The following NUP107 variants were observed in gnomAD, a reference collection of about 807,000 sequenced individuals.
NUP107 encodes the protein nuclear pore complex protein Nup107.
Under a neutral mutation model 141.0 loss-of-function variants are expected in NUP107, and 101 were observed. That is an observed-to-expected ratio of 0.72 (90% CI 0.61 to 0.84). NUP107 has a LOEUF of 0.84. NUP107 is among the 40% of genes least tolerant of loss of function. NUP107 has a pLI of 0.00. For synonymous variants in NUP107, 319 were observed against 363.9 expected, an observed-to-expected ratio of 0.88 and a Z score of 1.41; for missense variants, 941 against 1,102.7, an observed-to-expected ratio of 0.85 and a Z score of 2.08.
At chr12:68,738,321 G>A (rs560866053) in intron 26 of NUP107, among the ~76,000 whole-genome samples, 12 of 151,400 alleles carry the variant, frequency 7.9e-5, no homozygotes, top group Admixed American at 2.0e-4. Context: ...GTGGTGGCTC[G>A]CGCCTGTAAT....
intron 5 of NUP107, 95 bp downstream of exon 5, chr12:68,692,207 C>T (rs1875832574): frequency 1.6e-6 from 2 of 1,248,122 alleles, no homozygotes; most frequent in Non-Finnish European, 2.2e-6. Context: ...TTATGTTTTT[C>T]TTTTCTTTCT....
At chr12:68,722,649 ATG>A (rs1262463878) in intron 17 of NUP107, among the ~76,000 whole-genome samples, 1 of 152,156 alleles carries the variant, frequency 6.6e-6, no homozygotes, top group Non-Finnish European at 1.5e-5. Flanking sequence ...TCTTACGAAT[ATG>A]TGTAAATAAT....
chr12:68,692,166 G>A, intron 5 of NUP107, 54 bp downstream of exon 5: 1 of 1,464,310 alleles, frequency 6.8e-7, no homozygotes, highest in Non-Finnish European at 9.1e-7. Context: ...GCAAGATGAA[G>A]GAAACCATTT....
intron 9 of NUP107, among the ~76,000 whole-genome samples, chr12:68,709,543 C>G (rs967497328): frequency 1.6e-4 from 25 of 151,910 alleles, no homozygotes; most frequent in Admixed American, 9.2e-4. Flanking sequence ...AAATTTTATT[C>G]TTTTGCCATA....
Position 68,722,146 on chromosome 12 carries a change from C to CAAA in NUP107, c.1503_1505dup (p.Lys502dup). The CAAA allele has an allele frequency of 6.2e-7, 1 of 1,612,230 alleles. No homozygotes were observed. The highest frequency in any genetic ancestry group is 8.5e-7 in the Non-Finnish European group (1 of 1,179,168). On this transcript the variant is annotated inframe_insertion, in exon 17 of 28. Transcript: ENST00000229179. The stretch of plus-strand genomic sequence containing the variant: ...TTTTTGAGGAACTTCAAGCTACTGA[C>CAAA]AAAAAGGTAAATGTTAATAGGAATA...
At chr12:68,702,212 C>G (rs1876363932) in intron 7 of NUP107, among the ~76,000 whole-genome samples, 1 of 152,188 alleles carries the variant, frequency 6.6e-6, no homozygotes, top group Admixed American at 6.5e-5. Flanking sequence ...TGGTCTCAAA[C>G]TCCTGACCTC....
At chr12:68,737,726 C>T (rs1878137530) in intron 26 of NUP107, among the ~76,000 whole-genome samples, 1 of 152,156 alleles carries the variant, frequency 6.6e-6, no homozygotes, top group Non-Finnish European at 1.5e-5. Context: ...ATTTCTTGAA[C>T]AGTTAAATGA....
chr12:68,701,965 A>G (rs971378199), intron 7 of NUP107, among the ~76,000 whole-genome samples: 3 of 151,912 alleles, frequency 2.0e-5, no homozygotes, highest in Admixed American at 2.0e-4. Context: ...GCTGGCCACC[A>G]TGCCTAGCTA....
At position 68,731,470 on chromosome 12, in the gene NUP107, A is replaced by G. The variant is rs955836933; in HGVS notation, c.1886-137A>G. 1.6e-5 allele frequency: 10 copies of G among 625,998 alleles called. No homozygotes were observed. The East Asian group carries it at 2.9e-4, about 18-fold the overall frequency. 38.8% of individuals were successfully genotyped at this position (625,998 alleles called of 1,614,324 possible). On this transcript the variant is annotated intron_variant, in intron 21 of 27. Transcript: ENST00000229179. ...TTTTAATTCTGGCATTTTCTTTTAT[A>G]TAAATATCTTTCATATTTTACATAT...
chr12:68,700,656 CA>C, intron 6 of NUP107, 69 bp from the exon 7 acceptor site: 1 of 1,110,510 alleles, frequency 9.0e-7, no homozygotes, highest in East Asian at 2.7e-5. Context: ...GCACTCTATT[CA>C]AATACAAACT....
intron 5 of NUP107, among the ~76,000 whole-genome samples, chr12:68,693,932 T>C (rs1472572272): frequency 1.3e-5 from 2 of 152,174 alleles, no homozygotes; most frequent in South Asian, 2.1e-4. Context: ...TTTCAGATAG[T>C]GTTATGACCA....
chr12:68,741,303 A>G (rs1428774462), intron 26 of NUP107, among the ~76,000 whole-genome samples: 1 of 151,998 alleles, frequency 6.6e-6, no homozygotes, highest in Non-Finnish European at 1.5e-5. Context: ...ATTCAAATCT[A>G]TAGGTTCTGT....
At chr12:68,700,269 T>C (rs1379562158) in intron 6 of NUP107, among the ~76,000 whole-genome samples, 1 of 152,194 alleles carries the variant, frequency 6.6e-6, no homozygotes, top group East Asian at 1.9e-4. Context: ...TGTTTAGAAA[T>C]GATAATGTTT....
At chr12:68,721,061 A>G in intron 14 of NUP107, 57 bp from the exon 15 acceptor site, 1 of 1,185,108 alleles carries the variant, frequency 8.4e-7, no homozygotes, top group East Asian at 2.4e-5. Flanking sequence ...TTATGAGGAA[A>G]ATTGACATAC....
chr12:68,721,932 C>A lies in NUP107; in HGVS notation c.1403C>A (p.Ser468Ter). ...CTGGTAGAACAGGAGATCCAGACATCAGTAGCAACTCTGGATGAAACTGAA... is the reference window on the plus strand; with the variant it reads ...CTGGTAGAACAGGAGATCCAGACATAAGTAGCAACTCTGGATGAAACTGAA... ...DSLVEQEIQTSVATLDETEEL... is the reference protein window; with the variant it reads ...DSLVEQEIQT Residue 468 changes from serine to a stop codon, truncating the protein, a stop_gained, in exon 16 of 28, where the codon TCA becomes TAA. Coordinates refer to ENST00000229179, the MANE Select transcript of NUP107 (RefSeq NM_020401.4). LOFTEE classifies it high-confidence loss of function. 1 of 1,613,972 alleles carries A rather than the reference C, an allele frequency of 6.2e-7. No individual in the cohort carries two copies. Among genetic ancestry groups the A allele is most frequent in the Non-Finnish European group, 8.5e-7 (1 of 1,179,880 alleles).
At chr12:68,728,023 C>G (rs748162841) in intron 20 of NUP107, among the ~76,000 whole-genome samples, 1 of 152,042 alleles carries the variant, frequency 6.6e-6, no homozygotes, top group African/African-American at 2.4e-5. Context: ...TGGCTCATAC[C>G]GGTAATCCCA....
chr12:68,690,499 A>G (rs1336615175), intron 3 of NUP107, 132 bp from the exon 4 acceptor site: 2 of 1,109,246 alleles, frequency 1.8e-6, no homozygotes, highest in African/African-American at 3.2e-5. Context: ...TTAACATTTA[A>G]AGTATTTATT....
chr12:68,735,157 C>A, intron 25 of NUP107, 74 bp from the exon 26 acceptor site: 1 of 998,386 alleles, frequency 1.0e-6, no homozygotes. Flanking sequence ...TATGTATGTT[C>A]CTGTCTGTAT....
rs1301486315 is a variant in NUP107, at chr12:68,745,483, T to G, written c.*3021T>G. On this transcript the variant is annotated 3_prime_UTR_variant, in exon 28 of 28. Coordinates refer to ENST00000229179, the MANE Select transcript of NUP107 (RefSeq NM_020401.4). The stretch of plus-strand genomic sequence containing the variant: ...GAAGGACCTTACTGTCGATCAAGAC[T>G]GTTACTCAAAGTTCTATCTCTTAGT... The G allele has an allele frequency of 1.3e-5, 2 of 152,236 alleles. No homozygotes were observed. The highest frequency in any genetic ancestry group is 4.8e-5 in the African/African-American group (2 of 41,460). The allele number at this position is 152,236 out of a possible 1,614,324, so 9.4% of individuals were successfully genotyped here. A position where few individuals can be genotyped will look rare whatever the true frequency, so the allele number is the denominator to read the frequency against.
Sources: allele counts gnomAD v4.1 joint callset (sites outside exome capture counted in the v4.1 genomes callset), GRCh38; gene constraint gnomAD v4.1.1; transcripts MANE v1.5; gene names NCBI Gene and HGNC (gene_info 2026-07-23, HGNC 2026-07-21).